BCAR3: variants seen among roughly 807,000 people sequenced by gnomAD.
BCAR3 encodes BCAR3 adaptor protein, NSP family member.
Under a neutral mutation model 80.1 loss-of-function variants are expected in BCAR3, and 37 were observed. That is an observed-to-expected ratio of 0.46 (90% CI 0.36 to 0.61). BCAR3 has a LOEUF of 0.61. Ranked by LOEUF, BCAR3 falls within the 20% of genes least tolerant of loss-of-function variation. The pLI is 0.00. For missense variants in BCAR3, 978 were observed against 1,068.2 expected (o/e 0.92, Z 1.18); for synonymous variants, 389 against 418.9 (o/e 0.93, Z 0.87).
intron 1 of BCAR3, among the ~76,000 whole-genome samples, chr1:93,677,943 T>C (rs2101951459): frequency 6.6e-6 from 1 of 152,326 alleles, no homozygotes; most frequent in South Asian, 2.1e-4. Context: ...AAGTACCTCT[T>C]AAACTGTCAG....
intron 2 of BCAR3, among the ~76,000 whole-genome samples, chr1:93,733,150 C>T (rs60591494): frequency 6.6e-6 from 1 of 152,020 alleles, no homozygotes; most frequent in East Asian, 1.9e-4. Flanking sequence ...AAAAAAGTCC[C>T]TGAGGAATAA....
At chr1:93,718,346 A>G (rs534353794) in intron 2 of BCAR3, among the ~76,000 whole-genome samples, 1 of 152,348 alleles carries the variant, frequency 6.6e-6, no homozygotes, top group Non-Finnish European at 1.5e-5. Flanking sequence ...TGAAGGTAGA[A>G]TGCGTACTAA....
At chr1:93,840,945 A>G (rs1179721881) in intron 2 of BCAR3, among the ~76,000 whole-genome samples, 1 of 152,186 alleles carries the variant, frequency 6.6e-6, no homozygotes, top group East Asian at 1.9e-4. Context: ...ACAAAGATAA[A>G]GGAAAAGAAG....
In BCAR3 at chr1:93,607,360, A is replaced by G. The variant is rs1406235403; in HGVS notation, c.358-14967T>C. ...AAAGACCACAGCATGTTTCTAAGCT[A>G]AGAGGAAACACGATCTCGTTATGAG... On this transcript the variant is annotated intron_variant, in intron 3 of 11. Coordinates refer to ENST00000260502, the MANE Select transcript of BCAR3 (RefSeq NM_003567.4). 5.3e-5 allele frequency among the ~76,000 whole-genome samples: 8 copies of G among 152,194 alleles called. No homozygotes were observed. The East Asian group carries it at 1.5e-3, about 29-fold the overall frequency.
intron 2 of BCAR3, among the ~76,000 whole-genome samples, chr1:93,721,180 T>A (rs1009782930): frequency 6.6e-6 from 1 of 152,142 alleles, no homozygotes; most frequent in Admixed American, 6.5e-5. Context: ...GAAGTCAGCA[T>A]GGCAGGGATT....
At chr1:93,747,583 T>A (rs1651403245) in intron 2 of BCAR3, among the ~76,000 whole-genome samples, 1 of 151,650 alleles carries the variant, frequency 6.6e-6, no homozygotes, top group Non-Finnish European at 1.5e-5. Context: ...TAGGGTCTCA[T>A]TAGTGCTCAC....
At chr1:93,615,450 G>A (rs1402530141) in intron 3 of BCAR3, among the ~76,000 whole-genome samples, 7 of 152,204 alleles carry the variant, frequency 4.6e-5, no homozygotes, top group Admixed American at 4.6e-4. Flanking sequence ...GAGTGTGGGC[G>A]ATGACTTCCT....
intron 2 of BCAR3, among the ~76,000 whole-genome samples, chr1:93,835,182 A>T (rs1257764400): frequency 2.0e-5 from 3 of 152,180 alleles, no homozygotes; most frequent in Admixed American, 6.5e-5. Context: ...CTACACCACT[A>T]TGCTGTTATA....
At chr1:93,591,412 T>C (rs1488556714) in intron 4 of BCAR3, among the ~76,000 whole-genome samples, 2 of 151,872 alleles carry the variant, frequency 1.3e-5, no homozygotes, top group African/African-American at 4.8e-5. Context: ...GAGGTAGAGG[T>C]TGCAGTGAGC....
In BCAR3 at chr1:93,594,087, G is replaced by A. The variant is rs185715447; in HGVS notation, c.358-1694C>T. Reference sequence around the variant, plus strand: ...AGTGTGGAATGCAGTTTGTCAACTCGGCCACGCTTTATTGTTCGTTTATTG... The same window carrying A: ...AGTGTGGAATGCAGTTTGTCAACTCAGCCACGCTTTATTGTTCGTTTATTG... On this transcript the variant is annotated intron_variant, in intron 3 of 11. Coordinates refer to ENST00000260502, the MANE Select transcript of BCAR3 (RefSeq NM_003567.4). Among the ~76,000 whole-genome samples the A allele has an allele frequency of 1.6e-3, 243 of 152,238 alleles. 3 individuals are homozygous for A. Among genetic ancestry groups the A allele is most frequent in the South Asian group, 0.015 (70 of 4,818 alleles).
chr1:93,696,630 G>A (rs1410010166), intron 3 of BCAR3, among the ~76,000 whole-genome samples: 3 of 152,108 alleles, frequency 2.0e-5, no homozygotes, highest in Non-Finnish European at 4.4e-5. Flanking sequence ...TGAAAGGCAA[G>A]CTTGATCCAT....
intron 2 of BCAR3, among the ~76,000 whole-genome samples, chr1:93,774,985 G>A (rs941304546): frequency 2.0e-5 from 3 of 152,166 alleles, no homozygotes; most frequent in African/African-American, 7.2e-5. Context: ...AATAGAGTAA[G>A]CTAAAAAGTA....
chr1:93,642,298 T>C lies in BCAR3; in HGVS notation c.357+6A>G. The C allele has an allele frequency of 6.2e-7, 1 of 1,613,376 alleles. No individual in the cohort carries two copies. On this transcript the variant is annotated splice_donor_region_variant and intron_variant, in intron 3 of 11. Transcript: ENST00000260502. ...CACGGCTACATGTTTAATTCTCATTTCCTACCTTCACATATTCCACAGTTG... is the reference window on the plus strand; with the variant it reads ...CACGGCTACATGTTTAATTCTCATTCCCTACCTTCACATATTCCACAGTTG...
At chr1:93,675,747 C>T (rs1050289697) in intron 1 of BCAR3, among the ~76,000 whole-genome samples, 6 of 151,962 alleles carry the variant, frequency 3.9e-5, no homozygotes, top group African/African-American at 1.2e-4. Context: ...GAGAATGGCA[C>T]GTCAGGCTGT....
chr1:93,845,799 C>T (rs1655154638), intron 1 of BCAR3: 1 of 152,090 alleles, frequency 6.6e-6, no homozygotes, highest in Admixed American at 6.6e-5. Context: ...TAATGCAACC[C>T]ATCTTGTGTG....
intron 2 of BCAR3, among the ~76,000 whole-genome samples, chr1:93,802,862 T>C (rs1426997796): frequency 6.6e-6 from 1 of 152,214 alleles, no homozygotes; most frequent in Non-Finnish European, 1.5e-5. Context: ...CCACTCTTTT[T>C]GTTTTTGAGC....
chr1:93,692,837 A>G (rs575921765), intron 3 of BCAR3, among the ~76,000 whole-genome samples: 1 of 152,334 alleles, frequency 6.6e-6, no homozygotes, highest in East Asian at 1.9e-4. Context: ...AACTTAGCCC[A>G]GTGCCTGGCA....
intron 2 of BCAR3, among the ~76,000 whole-genome samples, chr1:93,776,919 G>A (rs1399420978): frequency 1.3e-5 from 2 of 152,100 alleles, no homozygotes; most frequent in Non-Finnish European, 1.5e-5. Context: ...GCCTGTGATC[G>A]TGACCTCATT....
intron 3 of BCAR3, among the ~76,000 whole-genome samples, chr1:93,617,199 G>C (rs1675153498): frequency 6.6e-6 from 1 of 152,216 alleles, no homozygotes; most frequent in Non-Finnish European, 1.5e-5. Flanking sequence ...AGGGCCAAGA[G>C]AGTGAGTGCA....
Sources: gnomAD v4.1 joint callset for allele counts (sites outside exome capture counted in the v4.1 genomes callset) on GRCh38, gnomAD v4.1.1 for gene constraint, MANE v1.5 for transcripts, NCBI Gene and HGNC (gene_info 2026-07-23, HGNC 2026-07-21) for gene names.